Variants in CCDC187 observed in about 807,000 individuals in gnomAD.
The protein encoded by CCDC187 is coiled-coil domain-containing protein 187.
CCDC187 carries 32 observed loss-of-function variants against 38.0 expected under a neutral mutation model. The observed-to-expected ratio is 0.84, with a 90% confidence interval of 0.64 to 1.13. CCDC187 has a LOEUF of 1.13. Ranked by LOEUF, CCDC187 falls within the 50% of genes most tolerant of loss-of-function variation. The pLI, the probability that CCDC187 is intolerant of heterozygous loss-of-function variation, is 0.00. For synonymous variants in CCDC187, 333 were observed against 347.9 expected (o/e 0.96, Z 0.48); for missense variants, 707 against 786.8 (o/e 0.90, Z 1.21).
At position 136,270,071 on chromosome 9, in the gene CCDC187, A is replaced by C. The variant is rs369135442; in HGVS notation, c.3443-1946T>G. ...ACAGAGAAGAAAAAAGAATAAAAGAATACAAAGAGCTTCAGTAAGCTCACA... is the reference window on the plus strand; with the variant it reads ...ACAGAGAAGAAAAAAGAATAAAAGACTACAAAGAGCTTCAGTAAGCTCACA... On this transcript the variant is annotated intron_variant, in intron 14 of 25. Transcript: ENST00000638797. Among the ~76,000 whole-genome samples, 6 of 152,386 alleles carry C rather than the reference A, an allele frequency of 3.9e-5. No homozygotes were observed. In the East Asian group the frequency reaches 1.2e-3, roughly 29 times the overall value.
intron 4 of CCDC187, among the ~76,000 whole-genome samples, chr9:136,294,069 C>T (rs936074471): frequency 0.081 from 12,084 of 149,180 alleles, 575 homozygotes; most frequent in East Asian, 0.17. Context: ...TGCTCTCACA[C>T]ACTCACACGC....
intron 14 of CCDC187, among the ~76,000 whole-genome samples, chr9:136,270,729 A>G (rs563734998): frequency 6.6e-6 from 1 of 152,288 alleles, no homozygotes; most frequent in East Asian, 1.9e-4. Flanking sequence ...TTTCATGGTC[A>G]GCTAAGTAAC....
rs956521576 is a variant in CCDC187 at position 136,276,636 on chromosome 9, C to T, written c.3117+15G>A. 6.6e-6 allele frequency: 1 copy of T among 152,140 alleles called. No individual in the cohort carries two copies. The highest frequency in any genetic ancestry group is 1.5e-5 in the Non-Finnish European group (1 of 68,058). 9.4% of individuals were successfully genotyped at this position (152,140 alleles called of 1,614,324 possible). On this transcript the variant is annotated intron_variant, in intron 11 of 25. Transcript: ENST00000638797. ...AGCAGAAAGGGGACCCAGCTGTCAT[C>T]GGCCTTGGGCAAACCTTCAGAGAAT... is the stretch of plus-strand genomic sequence containing the variant.
intron 18 of CCDC187, 39 bp from the exon 19 acceptor site, chr9:136,262,501 T>C: frequency 1.0e-6 from 1 of 986,420 alleles, no homozygotes; most frequent in South Asian, 4.7e-5. Flanking sequence ...CAAGGCCACC[T>C]CTGCCCATTT....
intron 8 of CCDC187, 82 bp from the exon 9 acceptor site, chr9:136,285,688 G>A (rs1831162306): frequency 1.0e-5 from 4 of 398,804 alleles, no homozygotes; most frequent in Middle Eastern, 6.2e-4. Context: ...CAGCAGGAGA[G>A]GAGCCTGAGA....
At chr9:136,285,338 C>G (rs1831150155) in intron 9 of CCDC187, among the ~76,000 whole-genome samples, 175 bp downstream of exon 9, 1 of 152,146 alleles carries the variant, frequency 6.6e-6, no homozygotes, top group Non-Finnish European at 1.5e-5. Context: ...GCCAGCACCA[C>G]CTGCTCCGGG....
At chr9:136,291,845 G>A (rs990906423) in intron 5 of CCDC187, among the ~76,000 whole-genome samples, 200 bp from the exon 6 acceptor site, 32 of 152,220 alleles carry the variant, frequency 2.1e-4, no homozygotes, top group Non-Finnish European at 3.7e-4. Context: ...GCACAGGTGT[G>A]CCTGTGTCTG....
rs1182329208 is a variant in CCDC187, at chr9:136,263,717, C to T, written c.3817G>A (p.Val1273Ile). Residue 1273 changes from valine to isoleucine, a missense_variant, in exon 18 of 26, where the codon GTC becomes ATC. Val to Ile is a conservative substitution (Grantham distance 29). Coordinates refer to ENST00000638797, the MANE Select transcript of CCDC187 (RefSeq NM_001378188.1). The stretch of plus-strand genomic sequence containing the variant: ...ATGTCCACAGGCCCCGGCATGGAGA[C>T]GACGTCCCTCTGATGCTGCAGAAGC... ...KLLLQHQRDV[V>I]SMPGPVDILP... is the part of the protein sequence containing the mutation. 1.9e-5 allele frequency: 19 copies of T among 985,360 alleles called. No homozygotes were observed. Among genetic ancestry groups the T allele is most frequent in the Non-Finnish European group, 2.2e-5 (18 of 829,952 alleles). The allele number at this position is 985,360 out of a possible 1,614,324, so 61.0% of individuals were successfully genotyped here.
intron 14 of CCDC187, among the ~76,000 whole-genome samples, chr9:136,271,606 CTTTTTT>C (rs1272090795): frequency 7.6e-6 from 1 of 131,174 alleles, no homozygotes; most frequent in African/African-American, 2.7e-5. Flanking sequence ...AAGAGAAAGT[CTTTTTT>C]TTTTTTTTTT....
At position 136,290,922 on chromosome 9, in the gene CCDC187, CT is replaced by C. The variant is rs1199787416; in HGVS notation, c.1690del (p.Arg564GlyfsTer104). On this transcript the variant is annotated frameshift_variant, in exon 6 of 26. Coordinates refer to ENST00000638797, the MANE Select transcript of CCDC187 (RefSeq NM_001378188.1). LOFTEE classifies it high-confidence loss of function. ...GGGCCGCTGGGCTGGAGGACTGGGC[CT>C]TTCCAGAGGGTTCCGCAGTCTGGGG... ...PGPRLRNPLE[R>X]PSPPAQRPWS... 8 of 398,574 alleles carry C rather than the reference CT, an allele frequency of 2.0e-5. No homozygotes were observed. The highest frequency in any genetic ancestry group is 3.5e-5 in the Non-Finnish European group (8 of 226,140). 24.7% of individuals were successfully genotyped at this position (398,574 alleles called of 1,614,324 possible).
At chr9:136,295,352 A>C (rs1477018905) in intron 4 of CCDC187, among the ~76,000 whole-genome samples, 1 of 152,204 alleles carries the variant, frequency 6.6e-6, no homozygotes, top group Non-Finnish European at 1.5e-5. Context: ...CCCGCTCGAT[A>C]AATGGGTCCT....
chr9:136,293,369 TCACACACTCACACTCA>T (rs1831409820), intron 4 of CCDC187, among the ~76,000 whole-genome samples: 1 of 122,720 alleles, frequency 8.1e-6, no homozygotes, highest in African/African-American at 3.1e-5. Context: ...ATTCACATGC[TCACACACTCACACTCA>T]CATGCTCACA....
In CCDC187 at chr9:136,268,109, G is replaced by C. The variant is rs982366628; in HGVS notation, c.3459C>G (p.Asp1153Glu). The change falls in exon 15 of 26, where the codon GAC becomes GAG. Residue 1153 changes from aspartate (D) to glutamate (E), a missense_variant. Asp to Glu is a conservative substitution (Grantham distance 45, BLOSUM62 2). Coordinates refer to ENST00000638797, the MANE Select transcript of CCDC187 (RefSeq NM_001378188.1). ...CCAGGGGAAGCTGGGAGAGGGCTCCGTCAGGGCCCTCCACCTCTGAGGAAG... is the reference window on the plus strand; with the variant it reads ...CCAGGGGAAGCTGGGAGAGGGCTCCCTCAGGGCCCTCCACCTCTGAGGAAG... ...KPASAEVEGPDGALSQLPLAK... is the reference protein window; with the variant it reads ...KPASAEVEGPEGALSQLPLAK... The C allele has an allele frequency of 2.0e-6, 2 of 985,404 alleles. No individual in the cohort carries two copies. Among genetic ancestry groups the C allele is most frequent in the African/African-American group, 1.7e-5 (1 of 57,254 alleles). 61.0% of individuals were successfully genotyped at this position (985,404 alleles called of 1,614,324 possible).
At chr9:136,271,630 C>T (rs187093215) in intron 14 of CCDC187, among the ~76,000 whole-genome samples, 193 of 122,180 alleles carry the variant, frequency 1.6e-3, no homozygotes, top group African/African-American at 5.5e-3. Flanking sequence ...TTTTTTGAGA[C>T]GGAGTCTCAC....
At position 136,290,479 on chromosome 9, in the gene CCDC187, C is replaced by T; in HGVS notation, c.2127+7G>A. On this transcript the variant is annotated splice_region_variant and intron_variant, in intron 6 of 25. Transcript: ENST00000638797. Reference sequence around the variant, plus strand: ...CCGAGTCCCCCCAACCCAACCCCAGCATGTACCCCGGACTGTGCAGAACTG... The same window carrying T: ...CCGAGTCCCCCCAACCCAACCCCAGTATGTACCCCGGACTGTGCAGAACTG... The T allele has an allele frequency of 2.5e-6, 1 of 398,528 alleles. No homozygotes were observed. The allele number at this position is 398,528 out of a possible 1,614,324, so 24.7% of individuals were successfully genotyped here. A position where few individuals can be genotyped will look rare whatever the true frequency, so the allele number is the denominator to read the frequency against.
Position 136,286,609 on chromosome 9 carries a change from G to T in CCDC187, c.2309C>A (p.Ala770Asp). 2 of 398,764 alleles carry T rather than the reference G, an allele frequency of 5.0e-6. No individual in the cohort carries two copies. Among genetic ancestry groups the T allele is most frequent in the Non-Finnish European group, 8.8e-6 (2 of 226,176 alleles). 24.7% of individuals were successfully genotyped at this position (398,764 alleles called of 1,614,324 possible). The change falls in exon 8 of 26, where the codon GCC (alanine) becomes GAC (aspartate). Residue 770 changes from alanine (A) to aspartate (D), a missense_variant. Ala to Asp is a moderately radical substitution (Grantham distance 126). Transcript: ENST00000638797. The stretch of plus-strand genomic sequence containing the variant: ...GGGTGAAGCTGACAGCAGCACGGGG[G>T]CATCCCGGCCATCTTGGGGGCCCCC... ...GMGGPQDGRD[A>D]PVLLSASPSL... is the part of the protein sequence containing the mutation.
chr9:136,292,628 C>T (rs992615316), intron 4 of CCDC187, among the ~76,000 whole-genome samples: 7 of 152,194 alleles, frequency 4.6e-5, no homozygotes, highest in East Asian at 1.9e-4. Flanking sequence ...CAGCACAGGC[C>T]GGGCACGCAG....
rs946092488 is a variant in CCDC187, at chr9:136,290,519, G to A, written c.2094C>T (p.Ile698=). The A allele has an allele frequency of 6.8e-3, 2,712 of 398,452 alleles. 78 individuals carry two copies. Among genetic ancestry groups the A allele is most frequent in the African/African-American group, 0.051 (2,481 of 48,740 alleles). The allele number at this position is 398,452 out of a possible 1,614,324, so 24.7% of individuals were successfully genotyped here. ...GTGCAGAACTGGGGACAAAGGTCAC[G>A]ATGCCAGGGGTGGTCCGGGAGACCA... The part of the protein sequence containing the change: ...VPVVSRTTPG[I]VTFVPSSAQS... The change falls in exon 6 of 26, where the codon ATC becomes ATT. Residue 698 remains isoleucine, a synonymous_variant. Coordinates refer to ENST00000638797, the MANE Select transcript of CCDC187 (RefSeq NM_001378188.1).
chr9:136,286,018 C>G (rs927141072), intron 8 of CCDC187, 67 bp downstream of exon 8: 1 of 397,682 alleles, frequency 2.5e-6, no homozygotes, highest in Non-Finnish European at 4.4e-6. Flanking sequence ...AATGGGGTCC[C>G]CATTCCTCCC....
Sources: allele counts gnomAD v4.1 joint callset (sites outside exome capture counted in the v4.1 genomes callset), GRCh38; gene constraint gnomAD v4.1.1; transcripts MANE v1.5; gene names NCBI Gene and HGNC (gene_info 2026-07-23, HGNC 2026-07-21).